The following LRRC4C variants were observed in gnomAD, a reference collection of about 807,000 sequenced individuals.
The protein encoded by LRRC4C is leucine rich repeat containing 4C, also known as leucine-rich repeat-containing protein 4C.
LRRC4C carries 5 observed loss-of-function variants against 33.6 expected under a neutral mutation model. The observed-to-expected ratio is 0.15, with a 90% CI of 0.08 to 0.31. LRRC4C has a LOEUF of 0.31. Among genes scored for constraint, LRRC4C ranks in the 10% least tolerant of loss-of-function variants. LRRC4C has a pLI of 1.00. For missense variants in LRRC4C, 560 were observed against 796.7 expected, an observed-to-expected ratio of 0.70 and a Z score of 3.58; for synonymous variants, 329 against 302.0, an observed-to-expected ratio of 1.09 and a Z score of -0.93.
At chr11:41,194,310 C>T (rs1465535494) in intron 1 of LRRC4C, among the ~76,000 whole-genome samples, 1 of 151,978 alleles carries the variant, frequency 6.6e-6, no homozygotes, top group Non-Finnish European at 1.5e-5. Context: ...GAGGCCAGTG[C>T]TTCTAACCCC....
rs184648342 is a variant in LRRC4C at position 40,192,501 on chromosome 11, G to A, written c.-96+49018C>T. 3.4e-3 allele frequency among the ~76,000 whole-genome samples: 516 copies of A among 152,288 alleles called. 2 individuals carry two copies. Among genetic ancestry groups the A allele is most frequent in the Non-Finnish European group, 5.3e-3 (359 of 68,018 alleles). On this transcript the variant is annotated intron_variant, in intron 5 of 6. Coordinates refer to ENST00000528697, the MANE Select transcript of LRRC4C (RefSeq NM_001258419.2). ...TGGGTGCCTTTACCACCAGGACCCTGGGTTTCAAGCACAAAACTGGGTGGC... is the reference window on the plus strand; with the variant it reads ...TGGGTGCCTTTACCACCAGGACCCTAGGTTTCAAGCACAAAACTGGGTGGC...
At chr11:41,068,747 G>A (rs1938452161) in intron 1 of LRRC4C, among the ~76,000 whole-genome samples, 1 of 152,010 alleles carries the variant, frequency 6.6e-6, no homozygotes, top group Non-Finnish European at 1.5e-5. Context: ...TTGAAATTGA[G>A]GCAGTAATTA....
intron 3 of LRRC4C, among the ~76,000 whole-genome samples, chr11:40,443,418 C>T (rs1230967360): frequency 6.6e-6 from 1 of 152,204 alleles, no homozygotes; most frequent in Non-Finnish European, 1.5e-5. Flanking sequence ...CCTATACCAA[C>T]TTTGTTCTGG....
chr11:41,031,278 C>T (rs933626269), intron 1 of LRRC4C, among the ~76,000 whole-genome samples: 1 of 151,948 alleles, frequency 6.6e-6, no homozygotes, highest in Non-Finnish European at 1.5e-5. Context: ...TACCATTCTG[C>T]TTCCTATCTG....
At chr11:40,570,803 G>A (rs1957953181) in intron 3 of LRRC4C, among the ~76,000 whole-genome samples, 1 of 151,744 alleles carries the variant, frequency 6.6e-6, no homozygotes, top group Non-Finnish European at 1.5e-5. Flanking sequence ...TCTTTGATGT[G>A]CTATCAGCCA....
chr11:40,562,172 T>C (rs1957575460), intron 3 of LRRC4C, among the ~76,000 whole-genome samples: 1 of 152,198 alleles, frequency 6.6e-6, no homozygotes, highest in Admixed American at 6.5e-5. Context: ...TAAACCTCAA[T>C]GGGAATGTGT....
intron 2 of LRRC4C, among the ~76,000 whole-genome samples, chr11:40,733,598 G>A (rs988762077): frequency 3.3e-5 from 5 of 152,012 alleles, no homozygotes; most frequent in African/African-American, 1.2e-4. Context: ...CTTTCATAAG[G>A]CTAATAGTTA....
intron 2 of LRRC4C, among the ~76,000 whole-genome samples, chr11:40,884,302 C>T (rs1955327053): frequency 6.6e-6 from 1 of 152,050 alleles, no homozygotes; most frequent in South Asian, 2.1e-4. Context: ...TTTTCTTTAT[C>T]CAGTCTATCA....
intron 2 of LRRC4C, among the ~76,000 whole-genome samples, chr11:40,801,518 A>G (rs1951040955): frequency 6.6e-6 from 1 of 152,128 alleles, no homozygotes; most frequent in South Asian, 2.1e-4. Flanking sequence ...CATGGACTGC[A>G]CCTATTTTGT....
intron 3 of LRRC4C, among the ~76,000 whole-genome samples, chr11:40,414,602 T>C (rs1021954925): frequency 6.6e-6 from 1 of 152,082 alleles, no homozygotes; most frequent in African/African-American, 2.4e-5. Flanking sequence ...GCAGTGAATC[T>C]CTATTGGCTT....
intron 4 of LRRC4C, among the ~76,000 whole-genome samples, chr11:40,318,822 G>A (rs542557642): frequency 2.0e-5 from 3 of 152,248 alleles, no homozygotes; most frequent in Non-Finnish European, 4.4e-5. Flanking sequence ...AACATAAATG[G>A]TAGTAGTCTA....
chr11:40,190,335 T>G (rs1339056431), intron 5 of LRRC4C, among the ~76,000 whole-genome samples: 1 of 152,198 alleles, frequency 6.6e-6, no homozygotes, highest in East Asian at 1.9e-4. Flanking sequence ...AATAAAATTC[T>G]TAGGGTGCCA....
intron 5 of LRRC4C, among the ~76,000 whole-genome samples, chr11:40,201,149 G>A (rs902909671): frequency 5.3e-5 from 8 of 152,162 alleles, no homozygotes; most frequent in Non-Finnish European, 1.0e-4. Flanking sequence ...CTGCAGGCAC[G>A]CAAGGCAGAA....
At chr11:40,413,729 C>G (rs985071126) in intron 3 of LRRC4C, among the ~76,000 whole-genome samples, 2 of 152,018 alleles carry the variant, frequency 1.3e-5, no homozygotes, top group African/African-American at 4.8e-5. Context: ...TGTTTCAAAG[C>G]CAGAAAAGCC....
At chr11:40,259,161 C>T (rs900670846) in intron 4 of LRRC4C, among the ~76,000 whole-genome samples, 1 of 152,194 alleles carries the variant, frequency 6.6e-6, no homozygotes, top group Non-Finnish European at 1.5e-5. Flanking sequence ...AGACTGCACT[C>T]TTAAAAATAC....
intron 3 of LRRC4C, among the ~76,000 whole-genome samples, chr11:40,610,795 G>A (rs1187263367): frequency 6.6e-6 from 1 of 151,674 alleles, no homozygotes; most frequent in East Asian, 1.9e-4. Context: ...ATAACAAAAT[G>A]CTTAGCATTG....
intron 5 of LRRC4C, among the ~76,000 whole-genome samples, chr11:40,199,679 A>C (rs2135712178): frequency 6.6e-6 from 1 of 152,322 alleles, no homozygotes; most frequent in African/African-American, 2.4e-5. Flanking sequence ...TTAATTATAC[A>C]ACATTCCTTT....
At chr11:40,495,293 C>G (rs12277522) in intron 3 of LRRC4C, among the ~76,000 whole-genome samples, 19,408 of 151,982 alleles carry the variant, frequency 0.13, 1,399 homozygotes, top group African/African-American at 0.18. Context: ...ACCTCTCCGC[C>G]CCCCCCGCCA....
At chr11:40,291,195 C>T (rs961569176) in intron 4 of LRRC4C, among the ~76,000 whole-genome samples, 1 of 152,056 alleles carries the variant, frequency 6.6e-6, no homozygotes, top group Admixed American at 6.6e-5. Flanking sequence ...GTAAAAAAGG[C>T]CAGCTCCATG....
Sources: gnomAD v4.1 joint callset for allele counts (sites outside exome capture counted in the v4.1 genomes callset) on GRCh38, gnomAD v4.1.1 for gene constraint, MANE v1.5 for transcripts, NCBI Gene and HGNC (gene_info 2026-07-23, HGNC 2026-07-21) for gene names.